The following NLGN1 variants were observed in gnomAD, a reference collection of about 807,000 sequenced individuals.
NLGN1 encodes the protein neuroligin 1.
In NLGN1, 12 loss-of-function variants were observed where a neutral mutation model predicts 65.5. The ratio of observed to expected loss-of-function variants is 0.18; its 90% CI spans 0.12 to 0.30. NLGN1 has a LOEUF of 0.30. Ranked by LOEUF, NLGN1 falls within the 10% of genes least tolerant of loss-of-function variation. NLGN1 has a pLI of 1.00. For missense variants in NLGN1, 750 were observed against 1,007.1 expected, an observed-to-expected ratio of 0.74 and a Z score of 3.46; for synonymous variants, 350 against 359.5, an observed-to-expected ratio of 0.97 and a Z score of 0.30.
At chr3:173,849,674 T>C (rs1211118500) in intron 4 of NLGN1, among the ~76,000 whole-genome samples, 2 of 152,144 alleles carry the variant, frequency 1.3e-5, no homozygotes, top group East Asian at 3.8e-4. Context: ...GAACATAGTG[T>C]ATTATGATGA....
chr3:173,543,847 T>C (rs1318865651), intron 2 of NLGN1, among the ~76,000 whole-genome samples: 1 of 152,114 alleles, frequency 6.6e-6, no homozygotes, highest in Non-Finnish European at 1.5e-5. Flanking sequence ...AGAATTGTAA[T>C]ACAGGATAAG....
intron 4 of NLGN1, among the ~76,000 whole-genome samples, chr3:174,042,675 A>G (rs950334507): frequency 2.6e-5 from 4 of 152,222 alleles, no homozygotes; most frequent in Non-Finnish European, 5.9e-5. Flanking sequence ...CTTAGCATAG[A>G]CTGTTTTATT....
chr3:173,808,209 T>G (rs1717087663), intron 4 of NLGN1, among the ~76,000 whole-genome samples: 1 of 152,296 alleles, frequency 6.6e-6, no homozygotes, highest in South Asian at 2.1e-4. Flanking sequence ...CATTCTCTTC[T>G]GGAGTATGTA....
chr3:173,543,736 A>C (rs1284329040), intron 2 of NLGN1, among the ~76,000 whole-genome samples: 1 of 152,088 alleles, frequency 6.6e-6, no homozygotes, highest in African/African-American at 2.4e-5. Flanking sequence ...TGTTTATTGA[A>C]CTCTAAATCT....
intron 4 of NLGN1, among the ~76,000 whole-genome samples, chr3:174,235,518 C>T (rs1741544613): frequency 6.6e-6 from 1 of 152,044 alleles, no homozygotes; most frequent in East Asian, 1.9e-4. Context: ...ACATGTCATC[C>T]AGTGATTTCC....
chr3:173,422,952 A>G (rs1290635258), intron 1 of NLGN1, among the ~76,000 whole-genome samples: 1 of 152,182 alleles, frequency 6.6e-6, no homozygotes, highest in Non-Finnish European at 1.5e-5. Flanking sequence ...TACGTAATTT[A>G]TAAAGGAATT....
rs565157298 is a variant in NLGN1, at chr3:174,203,326, G to A, written c.647-71989G>A. On this transcript the variant is annotated intron_variant, in intron 4 of 6. Coordinates refer to ENST00000457714, the Ensembl canonical transcript of NLGN1. ...TCCTTATTTGAAGGTCCACTTCACC[G>A]TGCACAGAGGAAGTGTATTCGTGCA... 5.3e-5 allele frequency among the ~76,000 whole-genome samples: 8 copies of A among 152,286 alleles called. No individual in the cohort carries two copies. In the East Asian group the frequency reaches 1.2e-3, roughly 22 times the overall value.
At chr3:174,260,429 T>A (rs1427563281) in intron 4 of NLGN1, among the ~76,000 whole-genome samples, 1 of 151,872 alleles carries the variant, frequency 6.6e-6, no homozygotes, top group African/African-American at 2.4e-5. Flanking sequence ...ATTTCTCTGA[T>A]GGCCAGTGAC....
At chr3:173,712,102 C>T (rs971658891) in intron 3 of NLGN1, among the ~76,000 whole-genome samples, 1 of 152,174 alleles carries the variant, frequency 6.6e-6, no homozygotes, top group Non-Finnish European at 1.5e-5. Context: ...CATGGACATA[C>T]TTCTATGACT....
intron 2 of NLGN1, among the ~76,000 whole-genome samples, chr3:173,477,864 C>A (rs994777146): frequency 3.3e-5 from 5 of 152,004 alleles, no homozygotes; most frequent in Admixed American, 1.3e-4. Context: ...TACCATCTCA[C>A]ACCAGTCAGA....
intron 2 of NLGN1, among the ~76,000 whole-genome samples, chr3:173,548,759 G>T (rs1340278928): frequency 6.6e-6 from 1 of 151,654 alleles, no homozygotes; most frequent in Non-Finnish European, 1.5e-5. Flanking sequence ...AAGTATATAT[G>T]TATATATTTA....
At chr3:174,156,605 T>A (rs542032880) in intron 4 of NLGN1, among the ~76,000 whole-genome samples, 1 of 151,902 alleles carries the variant, frequency 6.6e-6, no homozygotes, top group South Asian at 2.1e-4. Context: ...GTTTTAAGAA[T>A]GATATGAATT....
At chr3:174,011,555 C>T (rs1485030999) in intron 4 of NLGN1, among the ~76,000 whole-genome samples, 3 of 152,098 alleles carry the variant, frequency 2.0e-5, no homozygotes, top group South Asian at 4.2e-4. Context: ...TTCTTGGATC[C>T]ATAACTATAC....
At chr3:173,909,588 T>A (rs1009325389) in intron 4 of NLGN1, among the ~76,000 whole-genome samples, 13 of 152,220 alleles carry the variant, frequency 8.5e-5, no homozygotes, top group African/African-American at 3.1e-4. Context: ...TTTCTCACCT[T>A]TCAGTGGTTA....
At chr3:174,070,842 T>C (rs1181974518) in intron 4 of NLGN1, among the ~76,000 whole-genome samples, 1 of 152,102 alleles carries the variant, frequency 6.6e-6, no homozygotes, top group East Asian at 1.9e-4. Context: ...ATTGCTTGAA[T>C]GCAGGACTTC....
chr3:174,064,506 TA>T (rs1364260414), intron 4 of NLGN1, among the ~76,000 whole-genome samples: 12 of 151,536 alleles, frequency 7.9e-5, no homozygotes, highest in African/African-American at 2.9e-4. Context: ...ACATATAACT[TA>T]ACCTCTCTAT....
chr3:174,203,651 C>G (rs750680834), intron 4 of NLGN1, among the ~76,000 whole-genome samples: 2 of 152,176 alleles, frequency 1.3e-5, no homozygotes, highest in East Asian at 1.9e-4. Flanking sequence ...CCCATCACCA[C>G]GCTTCCAGCA....
At chr3:173,859,071 T>A (rs1728566287) in intron 4 of NLGN1, among the ~76,000 whole-genome samples, 1 of 151,700 alleles carries the variant, frequency 6.6e-6, no homozygotes, top group Non-Finnish European at 1.5e-5. Context: ...TTAACTTCAC[T>A]TTTTTTTGGC....
At chr3:173,697,925 G>A (rs1262730052) in intron 3 of NLGN1, among the ~76,000 whole-genome samples, 2 of 151,412 alleles carry the variant, frequency 1.3e-5, no homozygotes, top group Non-Finnish European at 2.9e-5. Context: ...GCACTTTTTA[G>A]TAATACATTA....
Sources: gnomAD v4.1 joint callset for allele counts (sites outside exome capture counted in the v4.1 genomes callset) on GRCh38, gnomAD v4.1.1 for gene constraint, MANE v1.5 for transcripts, NCBI Gene and HGNC (gene_info 2026-07-23, HGNC 2026-07-21) for gene names.